Variants in LINGO2 observed in about 807,000 individuals in gnomAD.
LINGO2 encodes the protein leucine rich repeat and Ig domain containing 2, also known as leucine-rich repeat and immunoglobulin-like domain-containing nogo receptor-interacting protein 2.
LINGO2 carries 14 observed loss-of-function variants against 30.6 expected under a neutral mutation model. The observed-to-expected ratio is 0.46, with a 90% CI of 0.30 to 0.72. The LOEUF is 0.72. LINGO2 is among the 30% of genes least tolerant of loss of function. LINGO2 has a pLI of 0.07. For synonymous variants in LINGO2, 317 were observed against 288.5 expected (o/e 1.10, Z -1.00); for missense variants, 729 against 751.7 (o/e 0.97, Z 0.35).
At chr9:29,135,575 A>G in the LINGO2 span, among the ~76,000 whole-genome samples, 4 of 151,290 alleles carry the variant, frequency 2.6e-5, no homozygotes, top group African/African-American at 9.7e-5. Context: ...AAAAAAAAAA[A>G]TAGAGATTGT....
chr9:28,624,032 G>A (rs1266908331), intron 1 of LINGO2, among the ~76,000 whole-genome samples: 1 of 151,956 alleles, frequency 6.6e-6, no homozygotes, highest in East Asian at 1.9e-4. Context: ...TTTGTATCTT[G>A]CAACTTTCCT....
At chr9:28,604,384 G>A (rs1587946101) in intron 1 of LINGO2, among the ~76,000 whole-genome samples, 1 of 152,044 alleles carries the variant, frequency 6.6e-6, no homozygotes, top group East Asian at 1.9e-4. Context: ...GCTCATATGA[G>A]CCCTTGTTCA....
At chr9:29,019,536 T>A in the LINGO2 span, among the ~76,000 whole-genome samples, 15 of 152,124 alleles carry the variant, frequency 9.9e-5, no homozygotes, top group African/African-American at 2.9e-4. Context: ...CTCCCACTAA[T>A]CATCTTACTG....
chr9:28,162,613 T>A (rs561658334), intron 4 of LINGO2, among the ~76,000 whole-genome samples: 1 of 152,252 alleles, frequency 6.6e-6, no homozygotes, highest in South Asian at 2.1e-4. Context: ...ATATAAAAGG[T>A]AATAATTTAC....
At chr9:28,020,712 A>G (rs78190125) in intron 4 of LINGO2, among the ~76,000 whole-genome samples, 12 of 152,304 alleles carry the variant, frequency 7.9e-5, no homozygotes, top group East Asian at 1.9e-4. Flanking sequence ...TTGATTCAAC[A>G]TCTTAAACAG....
chr9:28,752,798 A>G, the LINGO2 span, among the ~76,000 whole-genome samples: 2 of 152,026 alleles, frequency 1.3e-5, no homozygotes, highest in East Asian at 1.9e-4. Flanking sequence ...AAAAAAAGTG[A>G]TGACACAGGA....
chr9:28,784,604 A>G, the LINGO2 span, among the ~76,000 whole-genome samples: 1 of 152,180 alleles, frequency 6.6e-6, no homozygotes, highest in Admixed American at 6.5e-5. Flanking sequence ...TTATTATTCT[A>G]ATTGTTCTCA....
chr9:28,993,947 A>T, the LINGO2 span, among the ~76,000 whole-genome samples: 3 of 151,420 alleles, frequency 2.0e-5, no homozygotes, highest in African/African-American at 7.3e-5. Flanking sequence ...ATTCCCTTTG[A>T]AAAGTGGCAC....
At chr9:29,188,330 TG>T in the LINGO2 span, among the ~76,000 whole-genome samples, 1 of 151,846 alleles carries the variant, frequency 6.6e-6, no homozygotes, top group Non-Finnish European at 1.5e-5. Flanking sequence ...AGCACAGGGT[TG>T]GGGGTAAGGT....
intron 2 of LINGO2, among the ~76,000 whole-genome samples, chr9:28,425,888 A>G (rs183822122): frequency 1.2e-3 from 188 of 152,070 alleles, no homozygotes; most frequent in Admixed American, 6.4e-3. Context: ...TGTTGTTGTT[A>G]TTGTTAAATG....
chr9:28,022,156 A>G (rs1823159295), intron 4 of LINGO2, among the ~76,000 whole-genome samples: 1 of 152,084 alleles, frequency 6.6e-6, no homozygotes, highest in South Asian at 2.1e-4. Flanking sequence ...ATTTTGCAAT[A>G]TACATAATTC....
chr9:28,304,924 T>A (rs1422070638), intron 3 of LINGO2, among the ~76,000 whole-genome samples: 1 of 152,028 alleles, frequency 6.6e-6, no homozygotes, highest in African/African-American at 2.4e-5. Context: ...AGATGTAAAG[T>A]CTTTATCAGT....
the LINGO2 span, among the ~76,000 whole-genome samples, chr9:29,029,046 T>C: frequency 6.6e-6 from 1 of 152,176 alleles, no homozygotes; most frequent in Non-Finnish European, 1.5e-5. Flanking sequence ...ATTTCATGGC[T>C]AACTGGAGGC....
chr9:28,397,490 T>C (rs1411183568), intron 2 of LINGO2, among the ~76,000 whole-genome samples: 2 of 150,290 alleles, frequency 1.3e-5, no homozygotes, highest in African/African-American at 4.9e-5. Context: ...TTTTGGATTT[T>C]ACAAGAAGAC....
intron 2 of LINGO2, among the ~76,000 whole-genome samples, chr9:28,415,514 C>T (rs10968577): frequency 0.27 from 40,824 of 152,026 alleles, 5,989 homozygotes; most frequent in Non-Finnish European, 0.32. Context: ...CTGAGATGCT[C>T]TTGCTGGAGC....
chr9:29,107,124 A>T, the LINGO2 span, among the ~76,000 whole-genome samples: 1 of 152,196 alleles, frequency 6.6e-6, no homozygotes, highest in Non-Finnish European at 1.5e-5. Context: ...AACATCACAT[A>T]AATAAAATTA....
the LINGO2 span, among the ~76,000 whole-genome samples, chr9:28,842,685 A>G: frequency 7.2e-5 from 11 of 151,800 alleles, no homozygotes; most frequent in Admixed American, 3.9e-4. Context: ...AGGCCCTCAC[A>G]TCCTCTGCTC....
the LINGO2 span, among the ~76,000 whole-genome samples, chr9:29,093,134 T>C: frequency 7.6e-6 from 1 of 130,926 alleles, no homozygotes; most frequent in South Asian, 2.4e-4. Flanking sequence ...TGTTTATAGT[T>C]TTTTATACTT....
intron 2 of LINGO2, among the ~76,000 whole-genome samples, chr9:28,399,110 G>A (rs1019250885): frequency 2.6e-5 from 4 of 152,122 alleles, no homozygotes; most frequent in Admixed American, 2.0e-4. Flanking sequence ...TATCCTACCA[G>A]AAGAGAAAAT....
Sources: allele counts gnomAD v4.1 joint callset (sites outside exome capture counted in the v4.1 genomes callset), GRCh38; gene constraint gnomAD v4.1.1; transcripts MANE v1.5; gene names NCBI Gene and HGNC (gene_info 2026-07-23, HGNC 2026-07-21).